Variants in ADAMTS12 observed in about 807,000 individuals in gnomAD.
ADAMTS12 encodes the protein A disintegrin and metalloproteinase with thrombospondin motifs 12.
Under a neutral mutation model 167.8 loss-of-function variants are expected in ADAMTS12, and 118 were observed. The observed-to-expected ratio is 0.70, with a 90% CI of 0.61 to 0.82. ADAMTS12 has a LOEUF of 0.82. Ranked by LOEUF, ADAMTS12 falls within the 40% of genes least tolerant of loss-of-function variation. ADAMTS12 has a pLI of 0.00. For synonymous variants in ADAMTS12, 704 were observed against 716.9 expected (o/e 0.98, Z 0.29); for missense variants, 1,916 against 1,998.8 (o/e 0.96, Z 0.79).
chr5:33,560,726 C>T (rs1472879886), intron 20 of ADAMTS12, among the ~76,000 whole-genome samples: 1 of 134,100 alleles, frequency 7.5e-6, no homozygotes, highest in Non-Finnish European at 1.5e-5. Context: ...ACAATGAGAA[C>T]ACATGGACAC....
chr5:33,685,146 C>T (rs1027539895), intron 3 of ADAMTS12, among the ~76,000 whole-genome samples: 6 of 152,228 alleles, frequency 3.9e-5, no homozygotes, highest in Admixed American at 2.6e-4. Flanking sequence ...TCATCTGCAC[C>T]CTGGGCCCCT....
At chr5:33,544,403 G>A (rs1579643883) in intron 22 of ADAMTS12, among the ~76,000 whole-genome samples, 2 of 150,566 alleles carry the variant, frequency 1.3e-5, no homozygotes, top group East Asian at 3.9e-4. Flanking sequence ...TCATGGATAG[G>A]AAGAATCAAT....
At chr5:33,710,484 C>G (rs1743357338) in intron 3 of ADAMTS12, among the ~76,000 whole-genome samples, 1 of 152,304 alleles carries the variant, frequency 6.6e-6, no homozygotes, top group South Asian at 2.1e-4. Context: ...TCTTGCCACT[C>G]TCTCCCTTTG....
chr5:33,721,603 AG>A (rs1743808952), intron 3 of ADAMTS12, among the ~76,000 whole-genome samples: 1 of 152,196 alleles, frequency 6.6e-6, no homozygotes, highest in Non-Finnish European at 1.5e-5. Flanking sequence ...CAAGCCTGCT[AG>A]TGCATACAAA....
intron 3 of ADAMTS12, among the ~76,000 whole-genome samples, chr5:33,747,394 C>CCT (rs1744828276): frequency 1.3e-5 from 2 of 151,992 alleles, no homozygotes; most frequent in African/African-American, 4.8e-5. Context: ...AGACTAACTA[C>CCT]ATGTAAAAGT....
intron 2 of ADAMTS12, among the ~76,000 whole-genome samples, chr5:33,862,282 C>A (rs1749648080): frequency 6.6e-6 from 1 of 151,898 alleles, no homozygotes; most frequent in Non-Finnish European, 1.5e-5. Context: ...AGACCACCAG[C>A]CAGACTAATA....
chr5:33,586,621 G>A (rs1323045662), intron 18 of ADAMTS12, among the ~76,000 whole-genome samples: 1 of 152,188 alleles, frequency 6.6e-6, no homozygotes, highest in African/African-American at 2.4e-5. Context: ...GCAGTCCTCT[G>A]AAAAAGCATT....
chr5:33,577,171 G>T lies in ADAMTS12; in HGVS notation c.2866-11C>A, dbSNP rs774224405. On this transcript the variant is annotated splice_polypyrimidine_tract_variant and intron_variant, in intron 18 of 23. Transcript: ENST00000504830. ...ACAGGAAACAGAACACTAGAAGAGA[G>T]AAACAGCTGTTAGCCTGGCGAGAGA... 7 of 1,613,928 alleles carry T rather than the reference G, an allele frequency of 4.3e-6. No homozygotes were observed. The highest frequency in any genetic ancestry group is 1.3e-5 in the African/African-American group (1 of 74,924).
intron 3 of ADAMTS12, among the ~76,000 whole-genome samples, chr5:33,739,208 G>C (rs145659783): frequency 6.6e-6 from 1 of 151,966 alleles, no homozygotes; most frequent in Non-Finnish European, 1.5e-5. Flanking sequence ...GTGACGTGAC[G>C]AATGTTTAAA....
In ADAMTS12 at chr5:33,527,293, C is replaced by A; in HGVS notation, c.4680G>T (p.Val1560=). 3 of 1,614,106 alleles carry A rather than the reference C, an allele frequency of 1.9e-6. No individual in the cohort carries two copies. Among genetic ancestry groups the A allele is most frequent in the Middle Eastern group, 1.6e-4 (1 of 6,062 alleles). ...QTLKAMKKCS[V]PTVRAECCFS... ...AGCAGCACTCAGCCCTCACGGTGGG[C>A]ACAGAACATTTCTTCATGGCTTTCA... Residue 1560 remains valine (V), a synonymous_variant, in exon 24 of 24, where the codon GTG becomes GTT. Coordinates refer to ENST00000504830, the MANE Select transcript of ADAMTS12 (RefSeq NM_030955.4).
chr5:33,615,490 T>G (rs1030500359), intron 15 of ADAMTS12, among the ~76,000 whole-genome samples: 5 of 152,156 alleles, frequency 3.3e-5, no homozygotes, highest in Non-Finnish European at 5.9e-5. Context: ...GAGTAACATG[T>G]CACTTTATCC....
chr5:33,663,739 C>T (rs989118041), intron 5 of ADAMTS12, among the ~76,000 whole-genome samples: 2 of 152,176 alleles, frequency 1.3e-5, no homozygotes, highest in Non-Finnish European at 2.9e-5. Context: ...AGTTCCAGCT[C>T]CTTCAGACAG....
chr5:33,732,006 C>T (rs963696936), intron 3 of ADAMTS12, among the ~76,000 whole-genome samples: 16 of 152,224 alleles, frequency 1.1e-4, no homozygotes, highest in Non-Finnish European at 2.1e-4. Context: ...AGACCTGGAG[C>T]TGCCTTGAGA....
At chr5:33,763,715 T>C (rs1364004266) in intron 2 of ADAMTS12, among the ~76,000 whole-genome samples, 2 of 152,352 alleles carry the variant, frequency 1.3e-5, no homozygotes, top group South Asian at 2.1e-4. Context: ...TGCAAACAAA[T>C]GTTGTAGGAA....
chr5:33,832,106 T>C (rs2111557307), intron 2 of ADAMTS12, among the ~76,000 whole-genome samples: 1 of 152,354 alleles, frequency 6.6e-6, no homozygotes, highest in South Asian at 2.1e-4. Flanking sequence ...GAACCATTGC[T>C]GAAACTATCT....
intron 2 of ADAMTS12, among the ~76,000 whole-genome samples, chr5:33,795,238 T>C (rs1746729798): frequency 6.6e-6 from 1 of 152,214 alleles, no homozygotes; most frequent in Non-Finnish European, 1.5e-5. Flanking sequence ...CAAATGGCAC[T>C]GCCCTACCTG....
chr5:33,758,088 G>A (rs374347643), intron 2 of ADAMTS12, among the ~76,000 whole-genome samples: 24 of 152,236 alleles, frequency 1.6e-4, no homozygotes, highest in South Asian at 1.0e-3. Flanking sequence ...TGTATTAAAC[G>A]AGTCAGTGTA....
intron 20 of ADAMTS12, among the ~76,000 whole-genome samples, chr5:33,560,042 C>T (rs555996638): frequency 1.1e-4 from 16 of 152,082 alleles, no homozygotes; most frequent in African/African-American, 2.9e-4. Flanking sequence ...TAATTATATC[C>T]GTGATAATAT....
intron 22 of ADAMTS12, among the ~76,000 whole-genome samples, chr5:33,543,546 C>A (rs1355385680): frequency 6.6e-6 from 1 of 152,124 alleles, no homozygotes; most frequent in Non-Finnish European, 1.5e-5. Flanking sequence ...CAAAGCCTGG[C>A]AGAGACACAA....
Sources: gnomAD v4.1 joint callset for allele counts (sites outside exome capture counted in the v4.1 genomes callset) on GRCh38, gnomAD v4.1.1 for gene constraint, MANE v1.5 for transcripts, NCBI Gene and HGNC (gene_info 2026-07-23, HGNC 2026-07-21) for gene names.